The following COL11A2 variants were observed in gnomAD, a reference collection of about 807,000 sequenced individuals.
The protein encoded by COL11A2 is collagen type XI alpha 2 chain.
A neutral mutation model predicts 273.4 loss-of-function variants in COL11A2; 116 were observed. The ratio of observed to expected loss-of-function variants is 0.42; its 90% CI spans 0.36 to 0.49. The LOEUF is 0.49. Ranked by LOEUF, COL11A2 falls within the 20% of genes least tolerant of loss-of-function variation. COL11A2 has a pLI of 0.00. For synonymous variants in COL11A2, 782 were observed against 864.2 expected (o/e 0.90, Z 1.67); for missense variants, 1,866 against 2,309.0 (o/e 0.81, Z 3.93).
Position 33,170,799 on chromosome 6 carries a change from C to T in COL11A2, c.3474+11G>A, listed in dbSNP as rs1392109332. The T allele has an allele frequency of 3.1e-6, 5 of 1,612,246 alleles. No individual in the cohort carries two copies. Among genetic ancestry groups the T allele is most frequent in the Non-Finnish European group, 4.2e-6 (5 of 1,179,370 alleles). On this transcript the variant is annotated intron_variant, in intron 46 of 65. Transcript: ENST00000341947. This position sits in a 1 kb window ranked among gnomAD's most constrained non-coding sequence, Gnocchi z 4.3. ...CCCACCTCTCAGCCCCTGTCCTATC[C>T]CCCAACACACCTGTAGGCCAATGGG...
chr6:33,178,911 GC>G lies in COL11A2; in HGVS notation c.1665+8del, dbSNP rs374919713. ...CTACAGGCTTCAGGGAGGGGCCCAA[GC>G]CTGTTACCTTCACTCCAGGATCTCC... On this transcript the variant is annotated splice_region_variant and intron_variant, in intron 17 of 65. Coordinates refer to ENST00000341947, the MANE Select transcript of COL11A2 (RefSeq NM_080680.3). This position sits in a 1 kb window ranked among gnomAD's most constrained non-coding sequence, Gnocchi z 4.6. 17 of 1,613,704 alleles carry G rather than the reference GC, an allele frequency of 1.1e-5. No homozygotes were observed. The African/African-American group carries it at 1.9e-4, about 18-fold the overall frequency.
At chr6:33,185,659 G>C (rs369691946) in intron 6 of COL11A2, 42 bp downstream of exon 6, 1 of 982,984 alleles carries the variant, frequency 1.0e-6, no homozygotes, top group Non-Finnish European at 1.5e-6. Flanking sequence ...TGCTGGGGGT[G>C]CTGGGAGAAA....
intron 1 of COL11A2, among the ~76,000 whole-genome samples, chr6:33,191,063 C>T (rs1773048019): frequency 6.6e-6 from 1 of 152,156 alleles, no homozygotes; most frequent in African/African-American, 2.4e-5. Flanking sequence ...TCCCTAAAGT[C>T]CCATCTCTAC....
chr6:33,167,494 G>A lies in COL11A2; in HGVS notation c.4054C>T (p.Pro1352Ser). The part of the protein sequence containing the change: ...GAIGAPGKTG[P>S]VGPAGPAGKP... ...CCTGCTGGGCCTGCAGGACCCACCG[G>A]GCCTGTCTTCCCCGGGGCACCTATA... Residue 1352 changes from proline (P) to serine (S), a missense_variant, in exon 56 of 66, where the codon CCG becomes TCG. By Grantham distance (74) the Pro-to-Ser change is moderately conservative. Coordinates refer to ENST00000341947, the MANE Select transcript of COL11A2 (RefSeq NM_080680.3). This position sits in a 1 kb window ranked among gnomAD's most constrained non-coding sequence, Gnocchi z 6.1. 2 of 1,612,858 alleles carry A rather than the reference G, an allele frequency of 1.2e-6. No individual in the cohort carries two copies. Among genetic ancestry groups the A allele is most frequent in the Non-Finnish European group, 1.7e-6 (2 of 1,180,008 alleles).
At chr6:33,187,264 G>A (rs1772551806) in intron 4 of COL11A2, among the ~76,000 whole-genome samples, 1 of 152,178 alleles carries the variant, frequency 6.6e-6, no homozygotes, top group Non-Finnish European at 1.5e-5. Flanking sequence ...GAATTCTCTG[G>A]ACCTCTAGAA....
rs963473072 is a variant in COL11A2 at position 33,170,512 on chromosome 6, G to C, written c.3528+45C>G. On this transcript the variant is annotated intron_variant, in intron 47 of 65. Coordinates refer to ENST00000341947, the MANE Select transcript of COL11A2 (RefSeq NM_080680.3). This position sits in a 1 kb window ranked among gnomAD's most constrained non-coding sequence, Gnocchi z 4.3. ...GTGGGGTGGGGGCTGGCCAGGGAGG[G>C]GGGTGACTAGTATGGTGGCTAGGGT... is the stretch of plus-strand genomic sequence containing the variant. 1.2e-6 allele frequency: 2 copies of C among 1,607,186 alleles called. No individual in the cohort carries two copies. Among genetic ancestry groups the C allele is most frequent in the South Asian group, 1.1e-5 (1 of 90,804 alleles).
At position 33,170,912 on chromosome 6, in the gene COL11A2, T is replaced by C. The variant is rs1298197503; in HGVS notation, c.3372A>G (p.Ala1124=). Residue 1124 remains alanine (A), a synonymous_variant, in exon 46 of 66, where the codon GCA becomes GCG. Coordinates refer to ENST00000341947, the MANE Select transcript of COL11A2 (RefSeq NM_080680.3). This position sits in a 1 kb window ranked among gnomAD's most constrained non-coding sequence, Gnocchi z 4.3. ...GPVGQPGAAG[A]DGEPGARGPQ... Reference sequence around the variant, plus strand: ...GTCCCCGAGCTCCGGGCTCCCCATCTGCTCCCTGCAGGGTTGAGGGAAAGC... The same window carrying C: ...GTCCCCGAGCTCCGGGCTCCCCATCCGCTCCCTGCAGGGTTGAGGGAAAGC... 2.5e-6 allele frequency: 4 copies of C among 1,612,878 alleles called. No individual in the cohort carries two copies. The highest frequency in any genetic ancestry group is 2.5e-6 in the Non-Finnish European group (3 of 1,179,920).
rs199604367 is a variant in COL11A2 at position 33,181,207 on chromosome 6, G to A, written c.1120-37C>T. 4.3e-5 allele frequency: 69 copies of A among 1,608,616 alleles called. 1 individual carries two copies. The East Asian group carries it at 1.2e-3, about 28-fold the overall frequency. ...ACACATGTAGCCCCCAGTGGGGCCCGTGAGCAGCCAGGACACTAGGCCTTT... is the reference window on the plus strand; with the variant it reads ...ACACATGTAGCCCCCAGTGGGGCCCATGAGCAGCCAGGACACTAGGCCTTT... On this transcript the variant is annotated intron_variant, in intron 8 of 65. Coordinates refer to ENST00000341947, the MANE Select transcript of COL11A2 (RefSeq NM_080680.3).
chr6:33,163,452 C>A lies in COL11A2; in HGVS notation c.*226G>T, dbSNP rs1452027676. 2.6e-5 allele frequency: 16 copies of A among 617,798 alleles called. No homozygotes were observed. The Admixed American group carries it at 4.4e-4, about 17-fold the overall frequency. 38.3% of individuals were successfully genotyped at this position (617,798 alleles called of 1,614,324 possible). A position where few individuals can be genotyped will look rare whatever the true frequency, so the allele number is the denominator to read the frequency against. Reference sequence around the variant, plus strand: ...AGGGTCTCAGCTCTCTAACGGGTAACAGGCTCCAGGTGGGAGGGCCAAGAG... The same window carrying A: ...AGGGTCTCAGCTCTCTAACGGGTAAAAGGCTCCAGGTGGGAGGGCCAAGAG... On this transcript the variant is annotated 3_prime_UTR_variant, in exon 66 of 66. Transcript: ENST00000341947. The surrounding 1 kb of genome is among the most constrained non-coding windows in gnomAD (Gnocchi z 4.1).
chr6:33,188,251 A>G, intron 4 of COL11A2, 111 bp downstream of exon 4: 1 of 1,288,090 alleles, frequency 7.8e-7, no homozygotes. Context: ...AATTCATAAG[A>G]AAAAAAAATG....
In COL11A2 at chr6:33,165,166, C is replaced by T. The variant is rs1323850065; in HGVS notation, c.4751-202G>A. Among the ~76,000 whole-genome samples, 1 of 152,090 alleles carries T rather than the reference C, an allele frequency of 6.6e-6. No individual in the cohort carries two copies. Among genetic ancestry groups the T allele is most frequent in the Admixed American group, 6.5e-5 (1 of 15,280 alleles). Reference sequence around the variant, plus strand: ...CTACTGCTGCAGCCCACTTTCATCACGTGACACCTCTGCCCCCAACAGTAA... The same window carrying T: ...CTACTGCTGCAGCCCACTTTCATCATGTGACACCTCTGCCCCCAACAGTAA... On this transcript the variant is annotated intron_variant, in intron 63 of 65. Transcript: ENST00000341947. This position sits in a 1 kb window ranked among gnomAD's most constrained non-coding sequence, Gnocchi z 7.7.
In COL11A2 at chr6:33,186,653, G is replaced by C. The variant is rs1404303051; in HGVS notation, c.772C>G (p.Pro258Ala). ...TGGCTCTGGGGTTCCTGATTTTGTG[G>C]CCTGTGAAGTCTTGATGGTTGCTGC... ...PQQQPSRLHR[P>A]QNQEPQSQPT... Residue 258 changes from proline to alanine, a missense_variant, in exon 5 of 66, where the codon CCA becomes GCA. Pro to Ala is a conservative substitution (Grantham distance 27, BLOSUM62 -1). Coordinates refer to ENST00000341947, the MANE Select transcript of COL11A2 (RefSeq NM_080680.3). 2 of 1,613,996 alleles carry C rather than the reference G, an allele frequency of 1.2e-6. No individual in the cohort carries two copies. Among genetic ancestry groups the C allele is most frequent in the Non-Finnish European group, 1.7e-6 (2 of 1,180,036 alleles).
chr6:33,166,249 A>G lies in COL11A2; in HGVS notation c.4393-43T>C. 6.3e-7 allele frequency: 1 copy of G among 1,580,760 alleles called. No individual in the cohort carries two copies. The highest frequency in any genetic ancestry group is 8.6e-7 in the Non-Finnish European group (1 of 1,163,770). On this transcript the variant is annotated intron_variant, in intron 60 of 65. Coordinates refer to ENST00000341947, the MANE Select transcript of COL11A2 (RefSeq NM_080680.3). This position sits in a 1 kb window ranked among gnomAD's most constrained non-coding sequence, Gnocchi z 4.8. ...AGAAAGAGACGGTCACTGCAGGGGA[A>G]GGACAGGACTCAGAGGAGCGGGGAG... is the stretch of plus-strand genomic sequence containing the variant.
Position 33,170,896 on chromosome 6 carries a change from C to T in COL11A2, c.3388G>A (p.Ala1130Thr), listed in dbSNP as rs1369378287. Residue 1130 changes from alanine to threonine, a missense_variant, in exon 46 of 66, where the codon GCT becomes ACT. By Grantham distance (58) the Ala-to-Thr change is moderately conservative. Coordinates refer to ENST00000341947, the MANE Select transcript of COL11A2 (RefSeq NM_080680.3). This position sits in a 1 kb window ranked among gnomAD's most constrained non-coding sequence, Gnocchi z 4.3. ...CCAAAGTGTCCCTGGGGTCCCCGAG[C>T]TCCGGGCTCCCCATCTGCTCCCTGC... Reference protein sequence around the residue: ...GAAGADGEPGARGPQGHFGAK... With the variant: ...GAAGADGEPGTRGPQGHFGAK... 1 of 1,612,948 alleles carries T rather than the reference C, an allele frequency of 6.2e-7. No individual in the cohort carries two copies. Among genetic ancestry groups the T allele is most frequent in the Admixed American group, 1.7e-5 (1 of 60,012 alleles).
In COL11A2 at chr6:33,171,514, G is replaced by A. The variant is rs1359002905; in HGVS notation, c.3211C>T (p.Pro1071Ser). 11 of 1,613,984 alleles carry A rather than the reference G, an allele frequency of 6.8e-6. No homozygotes were observed. Among genetic ancestry groups the A allele is most frequent in the African/African-American group, 2.7e-5 (2 of 74,914 alleles). The change falls in exon 43 of 66, where the codon CCT (proline) becomes TCT (serine). Residue 1071 changes from proline (P) to serine (S), a missense_variant. Physicochemically the swap from Pro to Ser is moderately conservative, Grantham distance 74 (BLOSUM62 -1). Coordinates refer to ENST00000341947, the MANE Select transcript of COL11A2 (RefSeq NM_080680.3). Reference protein sequence around the residue: ...RDGVQGPVGLPGPAGPPGVAG... With the variant: ...RDGVQGPVGLSGPAGPPGVAG... Reference sequence around the variant, plus strand: ...ACACCTGGAGGCCCAGCAGGACCAGGAAGCCCCACAGGACCCTGCACTCCA... The same window carrying A: ...ACACCTGGAGGCCCAGCAGGACCAGAAAGCCCCACAGGACCCTGCACTCCA...
chr6:33,184,291 C>G lies in COL11A2; in HGVS notation c.973G>C (p.Asp325His). 1 of 1,367,524 alleles carries G rather than the reference C, an allele frequency of 7.3e-7. No individual in the cohort carries two copies. Among genetic ancestry groups the G allele is most frequent in the Non-Finnish European group, 9.8e-7 (1 of 1,021,938 alleles). 84.7% of individuals were successfully genotyped at this position (1,367,524 alleles called of 1,614,324 possible). A position where few individuals can be genotyped will look rare whatever the true frequency, so the allele number is the denominator to read the frequency against. The change falls in exon 8 of 66, where the codon GAC (aspartate) becomes CAC (histidine). Residue 325 changes from aspartate (D) to histidine (H), a missense_variant. Asp to His is a moderately conservative substitution (Grantham distance 81). Coordinates refer to ENST00000341947, the MANE Select transcript of COL11A2 (RefSeq NM_080680.3). Reference sequence around the variant, plus strand: ...CCATATTCCTCTGCCTGGAACCTGTCGGCTGTGGGGGGGACCTGGAGATCT... The same window carrying G: ...CCATATTCCTCTGCCTGGAACCTGTGGGCTGTGGGGGGGACCTGGAGATCT... ...QTDLQVPPTA[D>H]RFQAEEYGEG... is the part of the protein sequence containing the mutation.
intron 6 of COL11A2, 76 bp downstream of exon 6, chr6:33,185,625 G>A (rs932361958): frequency 1.5e-5 from 9 of 591,254 alleles, no homozygotes; most frequent in South Asian, 6.9e-5. Flanking sequence ...TGGGGGAGGG[G>A]AGGAAGGTGT....
rs1448412677 is a variant in COL11A2 at position 33,173,498 on chromosome 6, T to C, written c.2682+4A>G. 1.9e-6 allele frequency: 3 copies of C among 1,611,120 alleles called. No homozygotes were observed. Among genetic ancestry groups the C allele is most frequent in the Non-Finnish European group, 2.5e-6 (3 of 1,179,404 alleles). ...AGGTGGGTCAGAGCTCGGGGTCAAC[T>C]TACCGGGGGTCCTTTCGGTCCAGGA... is the stretch of plus-strand genomic sequence containing the variant. On this transcript the variant is annotated splice_donor_region_variant and intron_variant, in intron 36 of 65. Coordinates refer to ENST00000341947, the MANE Select transcript of COL11A2 (RefSeq NM_080680.3). This position sits in a 1 kb window ranked among gnomAD's most constrained non-coding sequence, Gnocchi z 6.3.
Position 33,164,985 on chromosome 6 carries a change from G to A in COL11A2, c.4751-21C>T, listed in dbSNP as rs775780294. 3.0e-5 allele frequency: 47 copies of A among 1,549,044 alleles called. No individual in the cohort carries two copies. In the Admixed American group the frequency reaches 3.5e-4, roughly 11 times the overall value. On this transcript the variant is annotated intron_variant, in intron 63 of 65. Transcript: ENST00000341947. The surrounding 1 kb of genome is among the most constrained non-coding windows in gnomAD (Gnocchi z 4.7). ...CTCTCCTGTTGGGTGAGGGAGAGGG[G>A]AGGTCAGGGCCACCTAGGTCCAGGC...
Sources: gnomAD v4.1 joint callset for allele counts (sites outside exome capture counted in the v4.1 genomes callset) on GRCh38, gnomAD v4.1.1 for gene constraint, Gnocchi (gnomAD v3.1) non-coding constraint, MANE v1.5 for transcripts, NCBI Gene and HGNC (gene_info 2026-07-23, HGNC 2026-07-21) for gene names.